The following ATP8A1 variants were observed in gnomAD, a reference collection of about 807,000 sequenced individuals.
The protein encoded by ATP8A1 is phospholipid-transporting ATPase IA.
Under a neutral mutation model 177.7 loss-of-function variants are expected in ATP8A1, and 90 were observed. That is an observed-to-expected ratio of 0.51 (90% CI 0.43 to 0.60). The LOEUF (loss-of-function observed/expected upper bound fraction) is 0.60. Ranked by LOEUF, ATP8A1 falls within the 20% of genes least tolerant of loss-of-function variation. The pLI, the probability that ATP8A1 is intolerant of heterozygous loss-of-function variation, is 0.00. For synonymous variants in ATP8A1, 493 were observed against 485.9 expected (o/e 1.01, Z -0.19); for missense variants, 1,072 against 1,392.8 (o/e 0.77, Z 3.67).
chr4:42,435,496 C>T (rs1160012414), intron 33 of ATP8A1, among the ~76,000 whole-genome samples: 1 of 139,642 alleles, frequency 7.2e-6, no homozygotes, highest in African/African-American at 2.7e-5. Flanking sequence ...TTTATTGAAA[C>T]AGATGGCACA....
chr4:42,464,265 CT>C (rs11365064), intron 27 of ATP8A1, among the ~76,000 whole-genome samples: 63,119 of 129,240 alleles, frequency 0.49, 14,383 homozygotes, highest in East Asian at 0.75. Context: ...GGCTGACAAA[CT>C]TTTTTTTTTT....
chr4:42,574,848 G>A, intron 13 of ATP8A1, 141 bp from the exon 14 acceptor site: 2 of 590,828 alleles, frequency 3.4e-6, no homozygotes, highest in South Asian at 4.6e-5. Flanking sequence ...CATTTATCAA[G>A]GAATATATTC....
At chr4:42,476,077 C>T (rs906054720) in intron 25 of ATP8A1, among the ~76,000 whole-genome samples, 1 of 151,918 alleles carries the variant, frequency 6.6e-6, no homozygotes, top group Non-Finnish European at 1.5e-5. Context: ...AGAGAAGTAA[C>T]CTGTTGTTCA....
chr4:42,566,170 C>T lies in ATP8A1; in HGVS notation c.1340+2991G>A, dbSNP rs187433425. Among the ~76,000 whole-genome samples the T allele has an allele frequency of 8.5e-5, 13 of 152,252 alleles. No homozygotes were observed. In the East Asian group the frequency reaches 2.5e-3, roughly 29 times the overall value. On this transcript the variant is annotated intron_variant, in intron 15 of 36. Coordinates refer to ENST00000381668, the MANE Select transcript of ATP8A1 (RefSeq NM_006095.2). ...ATTATAGGTTTGCCTTCAAACTCAA[C>T]TAAATGTAAATATGTAATCTACATA... is the stretch of plus-strand genomic sequence containing the variant.
chr4:42,494,381 A>T (rs569523201), intron 24 of ATP8A1, among the ~76,000 whole-genome samples: 1 of 152,256 alleles, frequency 6.6e-6, no homozygotes, highest in South Asian at 2.1e-4. Context: ...AAGCTAAGGC[A>T]CGAGAATCGC....
At chr4:42,642,791 T>C (rs965590567) in intron 1 of ATP8A1, among the ~76,000 whole-genome samples, 1 of 152,084 alleles carries the variant, frequency 6.6e-6, no homozygotes, top group African/African-American at 2.4e-5. Context: ...TGAAATTAGC[T>C]CCCTAGACCT....
At chr4:42,520,895 G>A (rs1726052800) in intron 22 of ATP8A1, among the ~76,000 whole-genome samples, 1 of 152,140 alleles carries the variant, frequency 6.6e-6, no homozygotes, top group African/African-American at 2.4e-5. Context: ...AATCTGTTGA[G>A]GAGACAGGAC....
intron 6 of ATP8A1, among the ~76,000 whole-genome samples, chr4:42,597,025 G>A (rs545373602): frequency 6.6e-6 from 1 of 152,254 alleles, no homozygotes; most frequent in African/African-American, 2.4e-5. Flanking sequence ...TTTGCAACAG[G>A]GAAAAGGTTT....
intron 33 of ATP8A1, among the ~76,000 whole-genome samples, chr4:42,428,061 C>T (rs1714827543): frequency 6.6e-6 from 1 of 152,208 alleles, no homozygotes; most frequent in Non-Finnish European, 1.5e-5. Flanking sequence ...TGTGAAGATG[C>T]TGTTCACAGA....
chr4:42,418,852 G>C (rs147080750), intron 35 of ATP8A1, among the ~76,000 whole-genome samples: 1 of 152,146 alleles, frequency 6.6e-6, no homozygotes, highest in Non-Finnish European at 1.5e-5. Flanking sequence ...TAACCAAGAT[G>C]ATTTTTTCTG....
chr4:42,564,243 G>A (rs1312513441), intron 15 of ATP8A1, among the ~76,000 whole-genome samples: 1 of 152,294 alleles, frequency 6.6e-6, no homozygotes, highest in African/African-American at 2.4e-5. Context: ...GAAGGAAAAT[G>A]TGGGGTCAGA....
intron 25 of ATP8A1, among the ~76,000 whole-genome samples, chr4:42,476,372 G>GGAGGCT (rs1721064177): frequency 1.3e-5 from 2 of 152,130 alleles, no homozygotes; most frequent in African/African-American, 4.8e-5. Flanking sequence ...CAGCACTTTG[G>GGAGGCT]GAGGCTGAGG....
chr4:42,487,933 T>G (rs1722357365), intron 24 of ATP8A1, among the ~76,000 whole-genome samples: 1 of 152,224 alleles, frequency 6.6e-6, no homozygotes, highest in African/African-American at 2.4e-5. Flanking sequence ...CAAAATTTTC[T>G]GTTCACACTT....
chr4:42,590,846 T>G lies in ATP8A1; in HGVS notation c.489A>C (p.Glu163Asp). 1 of 1,613,692 alleles carries G rather than the reference T, an allele frequency of 6.2e-7. No homozygotes were observed. The highest frequency in any genetic ancestry group is 8.5e-7 in the Non-Finnish European group (1 of 1,179,900). Residue 163 changes from glutamate (E) to aspartate (D), a missense_variant, in exon 7 of 37, where the codon GAA becomes GAC. This residue lies in a region of ATP8A1 where 344 missense variants were observed against 393.5 expected (regional missense o/e 0.87). Coordinates refer to ENST00000381668, the MANE Select transcript of ATP8A1 (RefSeq NM_006095.2). ...GACTGATGAGATCTGCTGGGAGATG[T>G]TCCCCATTGGTCACTTTCACTATCT... ...VGEIVKVTNG[E>D]HLPADLISLS...
chr4:42,551,992 A>C (rs181317621), intron 17 of ATP8A1, among the ~76,000 whole-genome samples: 2 of 152,202 alleles, frequency 1.3e-5, no homozygotes, highest in African/African-American at 4.8e-5. Context: ...CTTAATACTG[A>C]TAACTGTACT....
chr4:42,465,011 A>G lies in ATP8A1; in HGVS notation c.2390T>C (p.Leu797Pro). Residue 797 changes from leucine (L) to proline (P), a missense_variant, in exon 26 of 37, where the codon CTT (leucine) becomes CCT (proline). Coordinates refer to ENST00000381668, the MANE Select transcript of ATP8A1 (RefSeq NM_006095.2). ...MVKKQVKVVTLAIGDGANDVS... is the reference protein window; with the variant it reads ...MVKKQVKVVTPAIGDGANDVS... The stretch of plus-strand genomic sequence containing the variant: ...ATCATTTGCTCCATCACCGATTGCA[A>G]GCGTTACGACTTTGACTTGTTTCTT... 1 of 1,614,222 alleles carries G rather than the reference A, an allele frequency of 6.2e-7. No individual in the cohort carries two copies. Among genetic ancestry groups the G allele is most frequent in the Non-Finnish European group, 8.5e-7 (1 of 1,180,030 alleles).
intron 25 of ATP8A1, among the ~76,000 whole-genome samples, chr4:42,473,752 C>T (rs984609160): frequency 6.6e-6 from 1 of 151,898 alleles, no homozygotes; most frequent in African/African-American, 2.4e-5. Context: ...CTCAAGTGAT[C>T]CTCCTACCTC....
intron 25 of ATP8A1, among the ~76,000 whole-genome samples, chr4:42,473,218 A>T (rs1720648745): frequency 6.6e-6 from 1 of 152,220 alleles, no homozygotes; most frequent in Admixed American, 6.5e-5. Flanking sequence ...CTGCGGAAGA[A>T]CACAAGGAGA....
At chr4:42,617,902 T>C (rs1489941373) in intron 4 of ATP8A1, among the ~76,000 whole-genome samples, 1 of 152,206 alleles carries the variant, frequency 6.6e-6, no homozygotes, top group African/African-American at 2.4e-5. Context: ...TTTAATCCCA[T>C]GCCTACAAAA....
Sources: gnomAD v4.1 joint callset for allele counts (sites outside exome capture counted in the v4.1 genomes callset) on GRCh38, gnomAD v4.1.1 for gene constraint, gnomAD v4.1.1 regional missense constraint, MANE v1.5 for transcripts, NCBI Gene and HGNC (gene_info 2026-07-23, HGNC 2026-07-21) for gene names.